PATJ: variants seen among roughly 807,000 people sequenced by gnomAD.
The protein encoded by PATJ is PATJ crumbs cell polarity complex component, also known as inaD-like protein.
In PATJ, 190 loss-of-function variants were observed where a neutral mutation model predicts 224.9. That is an observed-to-expected ratio of 0.84 (90% CI 0.75 to 0.95). The LOEUF is 0.95. PATJ is among the 40% of genes least tolerant of loss of function. The probability of loss-of-function intolerance (pLI) is 0.00; values close to 1 mark genes in which losing one functional copy is unlikely to be tolerated. For synonymous variants in PATJ, 769 were observed against 820.3 expected (o/e 0.94, Z 1.07); for missense variants, 2,121 against 2,270.3 (o/e 0.93, Z 1.34).
chr1:61,799,183 T>A (rs959163691), intron 11 of PATJ, among the ~76,000 whole-genome samples: 4 of 152,192 alleles, frequency 2.6e-5, no homozygotes, highest in Admixed American at 6.5e-5. Context: ...AAATTTTTTT[T>A]AATGATTTAT....
chr1:61,766,252 T>TTGA (rs10631100), intron 3 of PATJ, 27 bp from the exon 4 acceptor site: 936,793 of 1,457,276 alleles, frequency 0.64, 306,533 homozygotes, highest in East Asian at 0.92. Flanking sequence ...TAGATTTCTG[T>TTGA]TGATTCTTTT....
At chr1:61,883,935 T>C (rs1322692683) in intron 21 of PATJ, among the ~76,000 whole-genome samples, 1 of 150,400 alleles carries the variant, frequency 6.6e-6, no homozygotes, top group East Asian at 1.9e-4. Context: ...AGAGAAAATG[T>C]GTAGTAAGAT....
intron 22 of PATJ, among the ~76,000 whole-genome samples, chr1:61,896,393 A>G (rs1670371788): frequency 1.3e-5 from 2 of 152,086 alleles, no homozygotes; most frequent in Admixed American, 6.6e-5. Flanking sequence ...TTTGGAGAAC[A>G]TTAGGAATGA....
At chr1:62,124,428 C>T (rs1665461543) in intron 39 of PATJ, among the ~76,000 whole-genome samples, 1 of 152,096 alleles carries the variant, frequency 6.6e-6, no homozygotes, top group African/African-American at 2.4e-5. Flanking sequence ...ATGAGGGGTT[C>T]AAGAAGAAAT....
chr1:61,835,294 C>T (rs1392829777), intron 17 of PATJ, among the ~76,000 whole-genome samples: 1 of 151,816 alleles, frequency 6.6e-6, no homozygotes, highest in Non-Finnish European at 1.5e-5. Context: ...TTTTCCTTCC[C>T]CATTGTAGCT....
chr1:62,072,980 C>G, intron 31 of PATJ: 1 of 928,778 alleles, frequency 1.1e-6, no homozygotes, highest in African/African-American at 1.8e-5. Context: ...TGCGGTTGAG[C>G]CCTCCAATGC....
intron 33 of PATJ, among the ~76,000 whole-genome samples, chr1:62,106,182 A>ATATATATATATATATATC (rs1410706437): frequency 4.6e-5 from 5 of 108,082 alleles, no homozygotes; most frequent in African/African-American, 1.7e-4. Flanking sequence ...ATATATATAT[A>ATATATATATATATATATC]TATATGGCTG....
At chr1:61,966,180 G>A (rs987188411) in intron 27 of PATJ, among the ~76,000 whole-genome samples, 1 of 152,148 alleles carries the variant, frequency 6.6e-6, no homozygotes, top group Non-Finnish European at 1.5e-5. Context: ...GATTACAGGC[G>A]TGAGCCACCG....
At chr1:62,119,568 T>C (rs1664822853) in intron 37 of PATJ, among the ~76,000 whole-genome samples, 1 of 152,198 alleles carries the variant, frequency 6.6e-6, no homozygotes, top group African/African-American at 2.4e-5. Context: ...GAAATTTCCT[T>C]ACTCCACAGA....
At chr1:62,081,488 C>T (rs529633591) in intron 32 of PATJ, among the ~76,000 whole-genome samples, 73 of 152,268 alleles carry the variant, frequency 4.8e-4, no homozygotes, top group Middle Eastern at 3.4e-3. Flanking sequence ...TCCAGGATGT[C>T]TCACCAGGTT....
At chr1:61,796,667 T>TTTCTTTCTTTCTTTCTTTCTTTCTTTC (rs1557660289) in intron 10 of PATJ, among the ~76,000 whole-genome samples, 36 of 31,166 alleles carry the variant, frequency 1.2e-3, no homozygotes, top group Admixed American at 6.6e-3. Context: ...ATTTTCTTTC[T>TTTCTTTCTTTCTTTCTTTCTTTCTTTC]TTCTTTCTTT....
intron 27 of PATJ, among the ~76,000 whole-genome samples, chr1:61,939,538 TA>T (rs1273781865): frequency 6.6e-6 from 1 of 151,976 alleles, no homozygotes; most frequent in Non-Finnish European, 1.5e-5. Context: ...GAGTACTTAA[TA>T]TTTTAACAAT....
At chr1:62,145,948 ACT>A (rs1667999624) in intron 41 of PATJ, among the ~76,000 whole-genome samples, 2 of 152,248 alleles carry the variant, frequency 1.3e-5, no homozygotes, top group South Asian at 2.1e-4. Context: ...ACAGAGTGAG[ACT>A]CTGTCTCAAA....
intron 42 of PATJ, among the ~76,000 whole-genome samples, chr1:62,151,109 A>G (rs536197805): frequency 6.6e-6 from 1 of 151,996 alleles, no homozygotes; most frequent in South Asian, 2.1e-4. Context: ...ATTGCACTCC[A>G]GCCTGGGCAA....
intron 28 of PATJ, among the ~76,000 whole-genome samples, chr1:62,002,725 AAAAAAAAAAGAG>A (rs1236034274): frequency 7.5e-6 from 1 of 132,670 alleles, no homozygotes; most frequent in African/African-American, 2.8e-5. Flanking sequence ...AAAAAAAAAA[AAAAAAAAAAGAG>A]AGAGAGAAAC....
Position 61,847,912 on chromosome 1 carries a change from G to A in PATJ, c.2113-8118G>A, listed in dbSNP as rs112018524. ...TTTTAAGATATATCTTATCAAAAAA[G>A]GAGACATGCTGTCATATGTATTTTG... On this transcript the variant is annotated intron_variant, in intron 17 of 43. Coordinates refer to ENST00000642238, the MANE Select transcript of PATJ (RefSeq NM_001350145.3). Among the ~76,000 whole-genome samples the A allele has an allele frequency of 6.6e-5, 10 of 151,160 alleles. 1 individual carries two copies. The highest frequency in any genetic ancestry group is 2.4e-4 in the African/African-American group (10 of 41,298).
intron 33 of PATJ, among the ~76,000 whole-genome samples, chr1:62,087,461 G>A (rs918182940): frequency 6.6e-6 from 1 of 152,006 alleles, no homozygotes; most frequent in African/African-American, 2.4e-5. Context: ...GAACCAATCA[G>A]GAGACAGCAG....
intron 21 of PATJ, among the ~76,000 whole-genome samples, chr1:61,875,817 T>G (rs1667261598): frequency 6.6e-6 from 1 of 152,196 alleles, no homozygotes; most frequent in Non-Finnish European, 1.5e-5. Context: ...TTTAGTACAT[T>G]AATAACTTAG....
chr1:61,926,698 A>G (rs1465677269), intron 26 of PATJ, among the ~76,000 whole-genome samples: 1 of 152,162 alleles, frequency 6.6e-6, no homozygotes, highest in Non-Finnish European at 1.5e-5. Flanking sequence ...ACAAGTGTAT[A>G]TAGTTTCTGC....
Sources: gnomAD v4.1 joint callset for allele counts (sites outside exome capture counted in the v4.1 genomes callset) on GRCh38, gnomAD v4.1.1 for gene constraint, MANE v1.5 for transcripts, NCBI Gene and HGNC (gene_info 2026-07-23, HGNC 2026-07-21) for gene names.